HPS1: variants seen among roughly 807,000 people sequenced by gnomAD.
HPS1 encodes BLOC-3 complex member HPS1.
A neutral mutation model predicts 90.6 loss-of-function variants in HPS1; 59 were observed. That is an observed-to-expected ratio of 0.65 (90% CI 0.53 to 0.81). The LOEUF (loss-of-function observed/expected upper bound fraction) is 0.81. Among genes scored for constraint, HPS1 ranks in the 30% least tolerant of loss-of-function variants. HPS1 has a pLI of 0.00. For missense variants in HPS1, 849 were observed against 896.7 expected (o/e 0.95, Z 0.68); for synonymous variants, 388 against 384.4 (o/e 1.01, Z -0.11).
Position 98,425,547 on chromosome 10 carries a change from C to A in HPS1, c.1329G>T (p.Glu443Asp), listed in dbSNP as rs1284302709. ...ACTGGAACTTGGGTCTCACCTGAAT[C>A]TCCTGTGCCCCTCGATTCTTGACAA... ...DKFVKNRGAQ[E>D]IQSTWLEFKA... The change falls in exon 13 of 20, where the codon GAG becomes GAT. Residue 443 changes from glutamate to aspartate, a missense_variant. Physicochemically the swap from Glu to Asp is conservative, Grantham distance 45 (BLOSUM62 2). Coordinates refer to ENST00000361490, the MANE Select transcript of HPS1 (RefSeq NM_000195.5). 1.2e-6 allele frequency: 2 copies of A among 1,610,398 alleles called. No homozygotes were observed. Among genetic ancestry groups the A allele is most frequent in the East Asian group, 2.2e-5 (1 of 44,798 alleles).
intron 3 of HPS1, among the ~76,000 whole-genome samples, chr10:98,436,816 G>A (rs1405549034): frequency 6.6e-6 from 1 of 152,220 alleles, no homozygotes; most frequent in African/African-American, 2.4e-5. Context: ...ACAAGAAGCT[G>A]AGTAAGACCT....
chr10:98,429,597 G>A lies in HPS1; in HGVS notation c.913C>T (p.Pro305Ser), dbSNP rs1248721467. Residue 305 changes from proline (P) to serine (S), a missense_variant, in exon 10 of 20, where the codon CCT (proline) becomes TCT (serine). Coordinates refer to ENST00000361490, the MANE Select transcript of HPS1 (RefSeq NM_000195.5). ...SLPEEYFTPAPSPGDQSSGST... is the reference protein window; with the variant it reads ...SLPEEYFTPASSPGDQSSGST... Reference sequence around the variant, plus strand: ...CCTGAGCTCTGATCGCCAGGGGAAGGAGCTGGTGTGAAGTACTCCTCAGGG... The same window carrying A: ...CCTGAGCTCTGATCGCCAGGGGAAGAAGCTGGTGTGAAGTACTCCTCAGGG... 3 of 1,614,112 alleles carry A rather than the reference G, an allele frequency of 1.9e-6. No homozygotes were observed. Among genetic ancestry groups the A allele is most frequent in the South Asian group, 1.1e-5 (1 of 91,086 alleles).
Position 98,417,768 on chromosome 10 carries a change from G to A in HPS1, c.1941-42C>T. ...GGATGGGATTCAGGAGTGAGGCTGT[G>A]GCACTCCTCCAGCGCCAGAGGCCTC... On this transcript the variant is annotated intron_variant, in intron 19 of 19. Coordinates refer to ENST00000361490, the MANE Select transcript of HPS1 (RefSeq NM_000195.5). This position sits in a 1 kb window ranked among gnomAD's most constrained non-coding sequence, Gnocchi z 4.2. The A allele has an allele frequency of 1.3e-6, 2 of 1,584,152 alleles. No homozygotes were observed. The highest frequency in any genetic ancestry group is 4.5e-5 in the East Asian group (2 of 44,700).
At chr10:98,420,622 G>C (rs1252197379) in intron 17 of HPS1, among the ~76,000 whole-genome samples, 1 of 152,084 alleles carries the variant, frequency 6.6e-6, no homozygotes, top group Non-Finnish European at 1.5e-5. Flanking sequence ...GGGCTGAGAT[G>C]AGAGGATCGC....
In HPS1 at chr10:98,427,243, C is replaced by A. The variant is rs1272468170; in HGVS notation, c.959G>T (p.Gly320Val). The A allele has an allele frequency of 1.3e-6, 2 of 1,551,376 alleles. No homozygotes were observed. Among genetic ancestry groups the A allele is most frequent in the African/African-American group, 2.7e-5 (2 of 73,044 alleles). ...AAGGGCATCCATGGGGGGGGTGCCC[C>A]CCTCCAGCCAGATGGTGCTACCTGC... ...QSSGSTIWLE[G>V]GTPPMDALQI... The change falls in exon 11 of 20, where the codon GGG becomes GTG. Residue 320 changes from glycine to valine, a missense_variant. Transcript: ENST00000361490.
intron 3 of HPS1, among the ~76,000 whole-genome samples, chr10:98,439,296 G>T (rs909724254): frequency 6.6e-6 from 1 of 152,192 alleles, no homozygotes; most frequent in African/African-American, 2.4e-5. Context: ...TCCACCGACA[G>T]CTTGCACCAT....
intron 3 of HPS1, among the ~76,000 whole-genome samples, chr10:98,438,871 G>A (rs1195265700): frequency 6.6e-6 from 1 of 152,218 alleles, no homozygotes; most frequent in Non-Finnish European, 1.5e-5. Context: ...GGAGGCCTAG[G>A]AAGAAAAAAC....
rs373117772 is a variant in HPS1 at position 98,436,723 on chromosome 10, A to G, written c.118-951T>C. On this transcript the variant is annotated intron_variant, in intron 3 of 19. Transcript: ENST00000361490. The stretch of plus-strand genomic sequence containing the variant: ...AGTGGAATAAAAAGAAAGGAAGAAA[A>G]CAGCAGACTTCCCAAGAAGATTTCA... 1.2e-4 allele frequency among the ~76,000 whole-genome samples: 19 copies of G among 152,262 alleles called. No individual in the cohort carries two copies. In the East Asian group the frequency reaches 1.3e-3, roughly 11 times the overall value.
Position 98,443,218 on chromosome 10 carries a change from G to T in HPS1, c.23C>A (p.Thr8Asn). Residue 8 changes from threonine to asparagine, a missense_variant, in exon 3 of 20, where the codon ACT (threonine) becomes AAT (asparagine). Coordinates refer to ENST00000361490, the MANE Select transcript of HPS1 (RefSeq NM_000195.5). ...GTAGAAGAGGACCTCTGCGCCCTCAGTGGCCACCAAGACGCACTTCATCTG... is the reference window on the plus strand; with the variant it reads ...GTAGAAGAGGACCTCTGCGCCCTCATTGGCCACCAAGACGCACTTCATCTG... MKCVLVA[T>N]EGAEVLFYWT... 6.2e-7 allele frequency: 1 copy of T among 1,614,012 alleles called. No homozygotes were observed. The highest frequency in any genetic ancestry group is 8.5e-7 in the Non-Finnish European group (1 of 1,179,920).
In HPS1 at chr10:98,435,869, G is replaced by C. The variant is rs1847250562; in HGVS notation, c.118-97C>G. 6.7e-7 allele frequency: 1 copy of C among 1,493,140 alleles called. No homozygotes were observed. Among genetic ancestry groups the C allele is most frequent in the Non-Finnish European group, 9.3e-7 (1 of 1,077,582 alleles). 92.5% of individuals were successfully genotyped at this position (1,493,140 alleles called of 1,614,324 possible). Reference sequence around the variant, plus strand: ...AGGCCTTGATATCAAGGGTTCCATAGTGTTAGACCCTCCTGGGAGGGTATC... The same window carrying C: ...AGGCCTTGATATCAAGGGTTCCATACTGTTAGACCCTCCTGGGAGGGTATC... On this transcript the variant is annotated intron_variant, in intron 3 of 19. Coordinates refer to ENST00000361490, the MANE Select transcript of HPS1 (RefSeq NM_000195.5). This position sits in a 1 kb window ranked among gnomAD's most constrained non-coding sequence, Gnocchi z 4.3.
chr10:98,443,893 C>G (rs1938935962), intron 2 of HPS1, among the ~76,000 whole-genome samples: 1 of 152,124 alleles, frequency 6.6e-6, no homozygotes, highest in South Asian at 2.1e-4. Context: ...ATTAGCCAGG[C>G]ATGGTGGCAA....
At position 98,417,624 on chromosome 10, in the gene HPS1, C is replaced by T; in HGVS notation, c.2043G>A (p.Val681=). The T allele has an allele frequency of 6.2e-7, 1 of 1,613,274 alleles. No individual in the cohort carries two copies. The highest frequency in any genetic ancestry group is 8.5e-7 in the Non-Finnish European group (1 of 1,179,804). ...HLSVIPTDLL[V]QQAGQLARRL... ...GCCGGGCCAGCTGGCCGGCCTGCTG[C>T]ACCAGCAGGTCAGTGGGGATGACAG... is the stretch of plus-strand genomic sequence containing the variant. Residue 681 remains valine, a synonymous_variant, in exon 20 of 20, where the codon GTG becomes GTA. Transcript: ENST00000361490. The surrounding 1 kb of genome is among the most constrained non-coding windows in gnomAD (Gnocchi z 4.2).
chr10:98,423,279 A>ACCCCCCCCCCCCCG (rs10636671), intron 16 of HPS1, among the ~76,000 whole-genome samples: 2 of 132,070 alleles, frequency 1.5e-5, no homozygotes, highest in African/African-American at 6.0e-5. Flanking sequence ...GACCACAGGA[A>ACCCCCCCCCCCCCG]CCCCCCCCCC....
intron 11 of HPS1, 68 bp from the exon 12 acceptor site, chr10:98,426,053 T>A: frequency 7.4e-7 from 1 of 1,343,556 alleles, no homozygotes; most frequent in Non-Finnish European, 1.1e-6. Context: ...TGCGGCCCTA[T>A]CTGTGAACCA....
chr10:98,439,336 C>T (rs1209582440), intron 3 of HPS1, among the ~76,000 whole-genome samples: 3 of 152,204 alleles, frequency 2.0e-5, no homozygotes, highest in Admixed American at 2.0e-4. Flanking sequence ...ACACTCAACA[C>T]CAGCCTGTGA....
At chr10:98,421,166 C>A (rs1844804907) in intron 17 of HPS1, among the ~76,000 whole-genome samples, 1 of 152,228 alleles carries the variant, frequency 6.6e-6, no homozygotes, top group South Asian at 2.1e-4. Flanking sequence ...CGATCTGCTC[C>A]AAACTGCATC....
rs1847215273 is a variant in HPS1 at position 98,435,657 on chromosome 10, T to C, written c.233A>G (p.Asn78Ser). The change falls in exon 4 of 20, where the codon AAC becomes AGC. Residue 78 changes from asparagine to serine, a missense_variant. Asn to Ser is a conservative substitution (Grantham distance 46). Coordinates refer to ENST00000361490, the MANE Select transcript of HPS1 (RefSeq NM_000195.5). This position sits in a 1 kb window ranked among gnomAD's most constrained non-coding sequence, Gnocchi z 4.3. ...CACCAGGTGAAGGACATACAGGAAGTTGCCATTTTCCGTGGAGAAGCAGGT... is the reference window on the plus strand; with the variant it reads ...CACCAGGTGAAGGACATACAGGAAGCTGCCATTTTCCGTGGAGAAGCAGGT... ...TYTCFSTENGNFLYVLHLFGE... is the reference protein window; with the variant it reads ...TYTCFSTENGSFLYVLHLFGE... 1 of 1,614,124 alleles carries C rather than the reference T, an allele frequency of 6.2e-7. No homozygotes were observed. Among genetic ancestry groups the C allele is most frequent in the Non-Finnish European group, 8.5e-7 (1 of 1,180,022 alleles).
In HPS1 at chr10:98,435,530, CGT is replaced by C; in HGVS notation, c.255+103_255+104del. 1 of 1,606,732 alleles carries C rather than the reference CGT, an allele frequency of 6.2e-7. No individual in the cohort carries two copies. Among genetic ancestry groups the C allele is most frequent in the Non-Finnish European group, 8.5e-7 (1 of 1,173,778 alleles). On this transcript the variant is annotated intron_variant, in intron 4 of 19. Coordinates refer to ENST00000361490, the MANE Select transcript of HPS1 (RefSeq NM_000195.5). The surrounding 1 kb of genome is among the most constrained non-coding windows in gnomAD (Gnocchi z 4.3). Reference sequence around the variant, plus strand: ...GTCCCAGGCGGGTTTGATAAGATGCCGTTTCTGCCTTCTAAAGGAGTCTAAAG... The same window carrying C: ...GTCCCAGGCGGGTTTGATAAGATGCCTTCTGCCTTCTAAAGGAGTCTAAAG...
downstream of HPS1, chr10:98,415,226 C>G (rs1432613540): frequency 4.7e-6 from 7 of 1,487,778 alleles, no homozygotes; most frequent in Non-Finnish European, 6.3e-6. Context: ...AGGGAGGAAG[C>G]AGGAAGAGGA....
Sources: allele counts gnomAD v4.1 joint callset (sites outside exome capture counted in the v4.1 genomes callset), GRCh38; gene constraint gnomAD v4.1.1; non-coding constraint Gnocchi (gnomAD v3.1); transcripts MANE v1.5; gene names NCBI Gene and HGNC (gene_info 2026-07-23, HGNC 2026-07-21).